Variants in CAPN2 observed in about 807,000 individuals in gnomAD.
CAPN2 encodes calpain 2, also known as calpain-2 catalytic subunit.
A neutral mutation model predicts 102.3 loss-of-function variants in CAPN2; 92 were observed. The observed-to-expected ratio is 0.90, with a 90% CI of 0.76 to 1.07. The LOEUF is 1.07. CAPN2 is among the 50% of genes least tolerant of loss of function. The probability of loss-of-function intolerance (pLI) is 0.00; values close to 1 mark genes in which losing one functional copy is unlikely to be tolerated. For missense variants in CAPN2, 800 were observed against 909.4 expected (o/e 0.88, Z 1.55); for synonymous variants, 340 against 355.4 (o/e 0.96, Z 0.49).
rs781460663 is a variant in CAPN2 at position 223,744,223 on chromosome 1, C to T, written c.426+5C>T. The T allele has an allele frequency of 2.5e-6, 4 of 1,588,320 alleles. No homozygotes were observed. Among genetic ancestry groups the T allele is most frequent in the Non-Finnish European group, 3.5e-6 (4 of 1,156,360 alleles). On this transcript the variant is annotated splice_donor_5th_base_variant and intron_variant, in intron 3 of 20. Coordinates refer to ENST00000295006, the MANE Select transcript of CAPN2 (RefSeq NM_001748.5). The stretch of plus-strand genomic sequence containing the variant: ...GCAGGGATCTTTCACTTCCAGGTAA[C>T]TTAATGGTTGGCTCAGGTGGTTCCT...
chr1:223,764,624 T>C (rs533401277), intron 15 of CAPN2, among the ~76,000 whole-genome samples: 13 of 152,286 alleles, frequency 8.5e-5, no homozygotes, highest in African/African-American at 3.1e-4. Context: ...CAGCTGACTT[T>C]TGTATTTTTA....
chr1:223,753,141 GCT>G (rs1048183939), intron 9 of CAPN2, among the ~76,000 whole-genome samples, 185 bp downstream of exon 9: 3 of 146,638 alleles, frequency 2.0e-5, no homozygotes, highest in African/African-American at 8.2e-5. Context: ...TTCTCCCCGA[GCT>G]CTCTTTCTCA....
intron 2 of CAPN2, among the ~76,000 whole-genome samples, chr1:223,732,202 T>C (rs28709579): frequency 0.054 from 8,244 of 151,800 alleles, 281 homozygotes; most frequent in Middle Eastern, 0.095. Context: ...CAGAAAGGGG[T>C]CCTGATCTAG....
rs950543652 is a variant in CAPN2, at chr1:223,731,456, G to T, written c.308-12644G>T. 6.6e-6 allele frequency among the ~76,000 whole-genome samples: 1 copy of T among 151,602 alleles called. No homozygotes were observed. Among genetic ancestry groups the T allele is most frequent in the Non-Finnish European group, 1.5e-5 (1 of 67,928 alleles). ...CCTGCTCTTCCTCACCCAGCTCCCC[G>T]CTCTAAGCCTTCCTCGCCCACCCCA... On this transcript the variant is annotated intron_variant, in intron 2 of 20. Transcript: ENST00000295006. The surrounding 1 kb of genome is among the most constrained non-coding windows in gnomAD (Gnocchi z 4.2).
intron 6 of CAPN2, 99 bp downstream of exon 6, chr1:223,749,221 T>C (rs28370066): frequency 0.014 from 14,213 of 1,041,072 alleles, 130 homozygotes; most frequent in Non-Finnish European, 0.018. Flanking sequence ...GGCCCCACGG[T>C]GGTCCAGTTT....
intron 10 of CAPN2, 107 bp from the exon 11 acceptor site, chr1:223,757,262 T>C (rs1558074654): frequency 8.3e-7 from 1 of 1,200,628 alleles, no homozygotes; most frequent in Non-Finnish European, 1.2e-6. Context: ...TTAGTTGATA[T>C]TGCTAATGCT....
intron 1 of CAPN2, among the ~76,000 whole-genome samples, chr1:223,716,443 C>A (rs1659875663): frequency 6.6e-6 from 1 of 152,134 alleles, no homozygotes; most frequent in Admixed American, 6.6e-5. Flanking sequence ...AGCAGAAGAG[C>A]ATTCTGATTC....
intron 9 of CAPN2, among the ~76,000 whole-genome samples, chr1:223,753,799 T>C (rs192231636): frequency 2.0e-5 from 3 of 152,340 alleles, no homozygotes; most frequent in African/African-American, 7.2e-5. Context: ...AGAATTACCT[T>C]CAGCCTATGT....
At chr1:223,753,019 TACC>T (rs1660944666) in intron 9 of CAPN2, 63 bp downstream of exon 9, 1 of 1,514,678 alleles carries the variant, frequency 6.6e-7, no homozygotes, top group Non-Finnish European at 9.1e-7. Flanking sequence ...AAGCTCCCCT[TACC>T]CCACCCTGTG....
chr1:223,771,701 G>C, intron 18 of CAPN2, 108 bp from the exon 19 acceptor site: 1 of 756,480 alleles, frequency 1.3e-6, no homozygotes, highest in East Asian at 2.5e-5. Flanking sequence ...AGGGACAAAA[G>C]CAATTATACC....
intron 2 of CAPN2, among the ~76,000 whole-genome samples, chr1:223,729,754 G>A (rs1041620134): frequency 6.6e-6 from 1 of 152,128 alleles, no homozygotes; most frequent in Non-Finnish European, 1.5e-5. Flanking sequence ...TGTAATTCCA[G>A]CACTTTGGGA....
intron 16 of CAPN2, among the ~76,000 whole-genome samples, chr1:223,769,517 A>G (rs896130190): frequency 4.6e-5 from 7 of 152,120 alleles, no homozygotes; most frequent in Non-Finnish European, 7.3e-5. Context: ...TTTAAAAAAA[A>G]CAGCAAGGGC....
At position 223,755,787 on chromosome 1, in the gene CAPN2, C is replaced by A; in HGVS notation, c.1305+138C>A. The A allele has an allele frequency of 1.2e-6, 1 of 860,174 alleles. No homozygotes were observed. Among genetic ancestry groups the A allele is most frequent in the Non-Finnish European group, 1.7e-6 (1 of 579,038 alleles). The allele number at this position is 860,174 out of a possible 1,614,324, so 53.3% of individuals were successfully genotyped here. On this transcript the variant is annotated intron_variant, in intron 10 of 20. Coordinates refer to ENST00000295006, the MANE Select transcript of CAPN2 (RefSeq NM_001748.5). The surrounding 1 kb of genome is among the most constrained non-coding windows in gnomAD (Gnocchi z 4.1). ...GGCCAAGGAAAAACAAAACTACCAG[C>A]CTGGCCAGGCTCAGGAGTAGCCCCC...
Position 223,745,436 on chromosome 1 carries a change from C to T in CAPN2, c.557C>T (p.Ala186Val), listed in dbSNP as rs779453836. The T allele has an allele frequency of 6.2e-7, 1 of 1,614,192 alleles. No individual in the cohort carries two copies. Among genetic ancestry groups the T allele is most frequent in the Non-Finnish European group, 8.5e-7 (1 of 1,180,016 alleles). The change falls in exon 4 of 21, where the codon GCC becomes GTC. Residue 186 changes from alanine (A) to valine (V), a missense_variant. Coordinates refer to ENST00000295006, the MANE Select transcript of CAPN2 (RefSeq NM_001748.5). ...AGCGCCCTGCTGGAGAAGGCATACG[C>T]CAAGTAAGTTGCCATCCTCCCCTGG... ...FWSALLEKAY[A>V]KINGCYEALS... is the part of the protein sequence containing the mutation.
rs3820480 is a variant in CAPN2 at position 223,759,896 on chromosome 1, A to G, written c.1529+415A>G. ...CCACCAAGGGTGTAAGGTGGGAACC[A>G]TCTCAACGGTTCCCACCTCCAGAAC... On this transcript the variant is annotated intron_variant, in intron 12 of 20. Transcript: ENST00000295006. The surrounding 1 kb of genome is among the most constrained non-coding windows in gnomAD (Gnocchi z 4.6). Among the ~76,000 whole-genome samples, 20,876 of 151,652 alleles carry G rather than the reference A, an allele frequency of 0.14. 1,439 individuals are homozygous for G. The highest frequency in any genetic ancestry group is 0.27 in the African/African-American group (11,017 of 41,188).
At chr1:223,747,264 T>A in intron 5 of CAPN2, 99 bp downstream of exon 5, 2 of 1,213,226 alleles carry the variant, frequency 1.6e-6, no homozygotes, top group Non-Finnish European at 2.3e-6. Flanking sequence ...GTGTACAACG[T>A]AATGCAGCCC....
intron 1 of CAPN2, among the ~76,000 whole-genome samples, chr1:223,714,620 G>GAAAAAA (rs1659827548): frequency 5.8e-5 from 1 of 17,258 alleles, no homozygotes; most frequent in Admixed American, 5.9e-4. Flanking sequence ...CTATAAAAAA[G>GAAAAAA]TAAAAAAAAA....
chr1:223,712,781 G>A lies in CAPN2; in HGVS notation c.141G>A (p.Gln47=). The A allele has an allele frequency of 6.3e-7, 1 of 1,579,892 alleles. No homozygotes were observed. Among genetic ancestry groups the A allele is most frequent in the Non-Finnish European group, 8.6e-7 (1 of 1,165,356 alleles). The change falls in exon 1 of 21, where the codon CAG becomes CAA. Residue 47 remains glutamine, a synonymous_variant. Transcript: ENST00000295006. ...NECLEAGTLF[Q]DPSFPAIPSA... ...GCCTGGAGGCCGGGACGCTCTTCCA[G>A]GACCCGTCCTTCCCGGCCATCCCCT...
intron 1 of CAPN2, 32 bp downstream of exon 1, chr1:223,712,909 C>A: frequency 6.9e-7 from 1 of 1,452,890 alleles, no homozygotes. Flanking sequence ...GCGGGCAGGG[C>A]GGGGTGCCGG....
Sources: allele counts gnomAD v4.1 joint callset (sites outside exome capture counted in the v4.1 genomes callset), GRCh38; gene constraint gnomAD v4.1.1; non-coding constraint Gnocchi (gnomAD v3.1); transcripts MANE v1.5; gene names NCBI Gene and HGNC (gene_info 2026-07-23, HGNC 2026-07-21).